RNF111: variants seen among roughly 807,000 people sequenced by gnomAD.
RNF111 encodes the protein E3 ubiquitin-protein ligase Arkadia.
A neutral mutation model predicts 95.1 loss-of-function variants in RNF111; 17 were observed. The observed-to-expected ratio is 0.18, with a 90% CI of 0.12 to 0.27. RNF111 has a LOEUF of 0.27. RNF111 is among the 10% of genes least tolerant of loss of function. The probability of loss-of-function intolerance (pLI) is 1.00; values close to 1 mark genes in which losing one functional copy is unlikely to be tolerated. For synonymous variants in RNF111, 440 were observed against 414.8 expected (o/e 1.06, Z -0.74); for missense variants, 1,189 against 1,210.4 (o/e 0.98, Z 0.26).
chr15:59,079,054 A>T (rs1419868743), intron 7 of RNF111, among the ~76,000 whole-genome samples: 1 of 152,190 alleles, frequency 6.6e-6, no homozygotes, highest in Non-Finnish European at 1.5e-5. Context: ...TGTTGGGAAC[A>T]CAAATAGAGG....
chr15:59,060,272 G>A (rs1400547591), intron 5 of RNF111, among the ~76,000 whole-genome samples: 1 of 151,486 alleles, frequency 6.6e-6, no homozygotes, highest in East Asian at 1.9e-4. Flanking sequence ...TTGTTACTTG[G>A]GTATCTTATA....
intron 2 of RNF111, among the ~76,000 whole-genome samples, chr15:59,049,037 G>A (rs2041843625): frequency 6.6e-6 from 1 of 151,936 alleles, no homozygotes; most frequent in Admixed American, 6.6e-5. Context: ...GGAGATTGAC[G>A]GCATGAGCGT....
Position 59,092,657 on chromosome 15 carries a change from T to A in RNF111, c.2843+17T>A. On this transcript the variant is annotated intron_variant, in intron 13 of 13. Coordinates refer to ENST00000348370, the MANE Select transcript of RNF111 (RefSeq NM_017610.8). ...AGATGTGAGGTAACTAGATATTAAT[T>A]ATCTAAAATCCATTGTCAAAACTGT... 1 of 1,592,256 alleles carries A rather than the reference T, an allele frequency of 6.3e-7. No individual in the cohort carries two copies. Among genetic ancestry groups the A allele is most frequent in the Admixed American group, 1.7e-5 (1 of 58,004 alleles).
At chr15:59,016,697 G>C (rs1431271315) in intron 1 of RNF111, among the ~76,000 whole-genome samples, 5 of 152,140 alleles carry the variant, frequency 3.3e-5, no homozygotes, top group Admixed American at 6.6e-5. Flanking sequence ...TCTCCAAAGA[G>C]TTCTGTATAG....
At chr15:59,084,773 C>T (rs548105647) in intron 9 of RNF111, among the ~76,000 whole-genome samples, 42 of 152,112 alleles carry the variant, frequency 2.8e-4, no homozygotes, top group Admixed American at 7.9e-4. Context: ...TCATTCATGA[C>T]CCCCCACCCT....
At chr15:59,017,227 T>C (rs142209417) in intron 1 of RNF111, among the ~76,000 whole-genome samples, 5 of 151,618 alleles carry the variant, frequency 3.3e-5, no homozygotes, top group African/African-American at 4.8e-5. Flanking sequence ...ACCGCTGCTG[T>C]GTAGGCCACG....
At chr15:59,048,291 G>C (rs908224006) in intron 2 of RNF111, among the ~76,000 whole-genome samples, 36 of 152,138 alleles carry the variant, frequency 2.4e-4, no homozygotes, top group African/African-American at 7.5e-4. Flanking sequence ...TATGAATATT[G>C]ATACAACAAA....
chr15:59,020,694 G>C (rs1241661150), intron 1 of RNF111, among the ~76,000 whole-genome samples: 2 of 152,126 alleles, frequency 1.3e-5, no homozygotes, highest in African/African-American at 4.8e-5. Context: ...TATTAGTTGA[G>C]AGAGGTTTAA....
chr15:59,054,161 A>G (rs1171841609), intron 3 of RNF111, among the ~76,000 whole-genome samples: 2 of 151,722 alleles, frequency 1.3e-5, no homozygotes, highest in Admixed American at 1.3e-4. Context: ...CTGGTCTCGA[A>G]CTCCTGACCT....
intron 10 of RNF111, among the ~76,000 whole-genome samples, chr15:59,086,983 A>G (rs2140215295): frequency 6.6e-6 from 1 of 152,344 alleles, no homozygotes; most frequent in South Asian, 2.1e-4. Context: ...TGCCTGAATG[A>G]AGGCAATTGT....
intron 5 of RNF111, among the ~76,000 whole-genome samples, chr15:59,064,429 G>T (rs946748293): frequency 2.6e-5 from 4 of 151,280 alleles, no homozygotes; most frequent in Non-Finnish European, 5.9e-5. Context: ...CCAGCTACTC[G>T]GGAGGCTGAG....
chr15:59,079,628 G>A (rs2078676367), intron 7 of RNF111, among the ~76,000 whole-genome samples: 1 of 151,028 alleles, frequency 6.6e-6, no homozygotes, highest in African/African-American at 2.4e-5. Flanking sequence ...CCAATAAAAT[G>A]AAATTTGTAT....
intron 1 of RNF111, among the ~76,000 whole-genome samples, chr15:59,025,400 C>A (rs2040552629): frequency 6.6e-6 from 1 of 152,082 alleles, no homozygotes; most frequent in Non-Finnish European, 1.5e-5. Context: ...AGGGAAAATA[C>A]CTTTCTTGCT....
rs766111941 is a variant in RNF111 at position 59,075,912 on chromosome 15, A to G, written c.1687-42A>G. 4 of 1,594,622 alleles carry G rather than the reference A, an allele frequency of 2.5e-6. No homozygotes were observed. In the East Asian group the frequency reaches 9.0e-5, roughly 36 times the overall value. ...TTTATAATATAACATGAAATATTTG[A>G]CCAAACTTTAGAAAGATAAAATATA... On this transcript the variant is annotated intron_variant, in intron 6 of 13. Transcript: ENST00000348370.
At chr15:59,093,651 TTAAG>T (rs1390274083) in intron 13 of RNF111, among the ~76,000 whole-genome samples, 5 of 152,174 alleles carry the variant, frequency 3.3e-5, no homozygotes, top group Non-Finnish European at 7.3e-5. Context: ...GTATAATCAC[TTAAG>T]TAATTGTTTT....
rs1257314286 is a variant in RNF111, at chr15:59,076,034, C to T, written c.1767C>T (p.Asp589=). The T allele has an allele frequency of 6.8e-6, 11 of 1,614,194 alleles. No homozygotes were observed. Among genetic ancestry groups the T allele is most frequent in the Non-Finnish European group, 9.3e-6 (11 of 1,180,036 alleles). The change falls in exon 7 of 14, where the codon GAC becomes GAT. Residue 589 remains aspartate, a synonymous_variant. Transcript: ENST00000348370. ...SGSFHGASAF[D]PCCPVSSSRA... ...GTTTTCATGGAGCATCTGCATTTGA[C>T]CCCTGCTGCCCTGTTTCTTCCTCCC...
At chr15:59,025,789 G>GGC (rs1483075932) in intron 1 of RNF111, among the ~76,000 whole-genome samples, 4 of 151,432 alleles carry the variant, frequency 2.6e-5, no homozygotes, top group African/African-American at 7.3e-5. Context: ...GGAGTGCAAT[G>GGC]GCGCGATCTC....
intron 1 of RNF111, among the ~76,000 whole-genome samples, chr15:58,991,646 A>G (rs559018708): frequency 1.3e-5 from 2 of 152,324 alleles, no homozygotes; most frequent in Admixed American, 6.5e-5. Context: ...CATAGTGACG[A>G]TTTGGAGGAA....
Position 59,058,451 on chromosome 15 carries a change from T to C in RNF111, c.1267T>C (p.Ser423Pro). ...AAATCCATCTACCTCTGAGCAGGCC[T>C]CTGATACTGCTTCAGCTGTCACCAG... ...NSNPSTSEQA[S>P]DTASAVTSSQ... is the part of the protein sequence containing the mutation. The change falls in exon 5 of 14, where the codon TCT (serine) becomes CCT (proline). Residue 423 changes from serine (S) to proline (P), a missense_variant. Ser to Pro is a moderately conservative substitution (Grantham distance 74). Coordinates refer to ENST00000348370, the MANE Select transcript of RNF111 (RefSeq NM_017610.8). 1.9e-6 allele frequency: 3 copies of C among 1,614,134 alleles called. No individual in the cohort carries two copies. The highest frequency in any genetic ancestry group is 2.5e-6 in the Non-Finnish European group (3 of 1,179,984).
Sources: allele counts gnomAD v4.1 joint callset (sites outside exome capture counted in the v4.1 genomes callset), GRCh38; gene constraint gnomAD v4.1.1; transcripts MANE v1.5; gene names NCBI Gene and HGNC (gene_info 2026-07-23, HGNC 2026-07-21).